Variants in ZFPM2 observed in about 807,000 individuals in gnomAD.
ZFPM2 encodes zinc finger protein, FOG family member 2.
A neutral mutation model predicts 98.6 loss-of-function variants in ZFPM2; 20 were observed. The ratio of observed to expected loss-of-function variants is 0.20; its 90% CI spans 0.14 to 0.29. The LOEUF (loss-of-function observed/expected upper bound fraction) is 0.29. ZFPM2 is among the 10% of genes least tolerant of loss of function. The probability of loss-of-function intolerance (pLI) is 1.00; values close to 1 mark genes in which losing one functional copy is unlikely to be tolerated. For synonymous variants in ZFPM2, 518 were observed against 502.7 expected (o/e 1.03, Z -0.41); for missense variants, 1,310 against 1,388.6 (o/e 0.94, Z 0.90).
chr8:105,513,802 A>T (rs1586428148), intron 3 of ZFPM2, among the ~76,000 whole-genome samples: 1 of 152,206 alleles, frequency 6.6e-6, no homozygotes, highest in South Asian at 2.1e-4. Context: ...TGGTGCTAAC[A>T]TTCTATTTCA....
At chr8:105,633,235 T>C (rs1816784842) in intron 4 of ZFPM2, among the ~76,000 whole-genome samples, 1 of 152,226 alleles carries the variant, frequency 6.6e-6, no homozygotes, top group African/African-American at 2.4e-5. Flanking sequence ...CAGAATGGGC[T>C]GAGATCTCTT....
At chr8:105,565,828 T>A (rs1324478080) in intron 4 of ZFPM2, among the ~76,000 whole-genome samples, 1 of 152,172 alleles carries the variant, frequency 6.6e-6, no homozygotes, top group Non-Finnish European at 1.5e-5. Flanking sequence ...TGCCTAAATT[T>A]GACTGTTTGC....
chr8:105,546,992 A>T (rs189701357), intron 3 of ZFPM2, among the ~76,000 whole-genome samples: 25 of 152,290 alleles, frequency 1.6e-4, no homozygotes, highest in Non-Finnish European at 2.6e-4. Context: ...GGAGGAGGTC[A>T]GATTCATCAT....
At chr8:105,535,004 G>T (rs534155377) in intron 3 of ZFPM2, among the ~76,000 whole-genome samples, 1 of 152,116 alleles carries the variant, frequency 6.6e-6, no homozygotes, top group South Asian at 2.1e-4. Flanking sequence ...AATACATGGT[G>T]TATCTCCTAA....
At chr8:105,783,244 A>C (rs1302061047) in intron 5 of ZFPM2, among the ~76,000 whole-genome samples, 1 of 93,396 alleles carries the variant, frequency 1.1e-5, no homozygotes, top group African/African-American at 4.1e-5. Flanking sequence ...TGGTTTTCCT[A>C]AAATCATCTC....
intron 5 of ZFPM2, among the ~76,000 whole-genome samples, chr8:105,779,161 G>C (rs2131106810): frequency 6.6e-6 from 1 of 152,188 alleles, no homozygotes; most frequent in Non-Finnish European, 1.5e-5. Context: ...TTGTTTGCTT[G>C]TTTGTTTTTA....
rs932802535 is a variant in ZFPM2, at chr8:105,357,415, T to C, written c.40+38434T>C. 3.3e-5 allele frequency among the ~76,000 whole-genome samples: 5 copies of C among 152,348 alleles called. No homozygotes were observed. In the South Asian group the frequency reaches 8.3e-4, roughly 25 times the overall value. On this transcript the variant is annotated intron_variant, in intron 1 of 7. Coordinates refer to ENST00000407775, the MANE Select transcript of ZFPM2 (RefSeq NM_012082.4). The stretch of plus-strand genomic sequence containing the variant: ...ACACACATGTACACACAAAGAGTTC[T>C]TATGCCTTTTTGCTTTTATGTAAAC...
chr8:105,420,255 G>C (rs1811765658), intron 2 of ZFPM2, among the ~76,000 whole-genome samples: 1 of 151,938 alleles, frequency 6.6e-6, no homozygotes, highest in South Asian at 2.1e-4. Flanking sequence ...TTGTTAATCA[G>C]ACTTCATAGT....
intron 5 of ZFPM2, among the ~76,000 whole-genome samples, chr8:105,674,594 A>G (rs964093959): frequency 2.0e-5 from 3 of 152,138 alleles, no homozygotes; most frequent in African/African-American, 7.2e-5. Flanking sequence ...GGCATTCCCT[A>G]TGTAATCATC....
chr8:105,733,563 G>A (rs1811994979), intron 5 of ZFPM2, among the ~76,000 whole-genome samples: 2 of 151,774 alleles, frequency 1.3e-5, no homozygotes, highest in South Asian at 4.1e-4. Flanking sequence ...TCATACTGGT[G>A]ATTAACAGAT....
chr8:105,320,241 T>G (rs190344529), intron 1 of ZFPM2, among the ~76,000 whole-genome samples: 75 of 149,426 alleles, frequency 5.0e-4, no homozygotes, highest in African/African-American at 1.7e-3. Context: ...TATCAACAGT[T>G]AAGTATTCAG....
chr8:105,648,117 T>G (rs184483850), intron 5 of ZFPM2, among the ~76,000 whole-genome samples: 2 of 152,362 alleles, frequency 1.3e-5, no homozygotes, highest in African/African-American at 4.8e-5. Flanking sequence ...TTTGCATTCC[T>G]CTGATGGCTA....
intron 4 of ZFPM2, among the ~76,000 whole-genome samples, chr8:105,587,306 A>G (rs1815743859): frequency 6.7e-6 from 1 of 148,478 alleles, no homozygotes; most frequent in African/African-American, 2.5e-5. Context: ...AAAGCTTTGG[A>G]CTTAACAGTC....
chr8:105,632,528 T>C (rs1816772881), intron 4 of ZFPM2, among the ~76,000 whole-genome samples: 1 of 152,164 alleles, frequency 6.6e-6, no homozygotes, highest in Admixed American at 6.5e-5. Context: ...GAGCAAAATA[T>C]GCATCATTAG....
At chr8:105,628,079 G>C (rs373466343) in intron 4 of ZFPM2, among the ~76,000 whole-genome samples, 42 of 152,240 alleles carry the variant, frequency 2.8e-4, no homozygotes, top group Middle Eastern at 6.8e-3. Context: ...CATCTGTAGA[G>C]TACTAGGTAC....
chr8:105,587,718 G>A (rs1815753858), intron 4 of ZFPM2, among the ~76,000 whole-genome samples: 1 of 152,174 alleles, frequency 6.6e-6, no homozygotes, highest in South Asian at 2.1e-4. Context: ...TTATAGGTTA[G>A]TTATATGGAA....
At chr8:105,686,094 C>T (rs1287845168) in intron 5 of ZFPM2, among the ~76,000 whole-genome samples, 1 of 151,968 alleles carries the variant, frequency 6.6e-6, no homozygotes, top group Non-Finnish European at 1.5e-5. Context: ...TATTGAATTT[C>T]TATATTTCTG....
intron 5 of ZFPM2, among the ~76,000 whole-genome samples, chr8:105,674,070 G>A (rs1228913686): frequency 6.6e-6 from 1 of 152,144 alleles, no homozygotes; most frequent in African/African-American, 2.4e-5. Context: ...CTGCAATAAA[G>A]CCATCAGATC....
intron 5 of ZFPM2, among the ~76,000 whole-genome samples, chr8:105,677,760 TTCCTCTTTTAAATG>T (rs1014957875): frequency 3.3e-5 from 5 of 152,120 alleles, no homozygotes; most frequent in Non-Finnish European, 7.4e-5. Context: ...TTCTAGGAGA[TTCCTCTTTTAAATG>T]ATATGTCTAG....
Sources: allele counts gnomAD v4.1 joint callset (sites outside exome capture counted in the v4.1 genomes callset), GRCh38; gene constraint gnomAD v4.1.1; transcripts MANE v1.5; gene names NCBI Gene and HGNC (gene_info 2026-07-23, HGNC 2026-07-21).